Variants in PPP1R9A observed in about 807,000 individuals in gnomAD.
PPP1R9A encodes the protein neurabin-1.
PPP1R9A carries 59 observed loss-of-function variants against 141.9 expected under a neutral mutation model. The ratio of observed to expected loss-of-function variants is 0.42; its 90% CI spans 0.34 to 0.52. The LOEUF (loss-of-function observed/expected upper bound fraction) is 0.52. Among genes scored for constraint, PPP1R9A ranks in the 20% least tolerant of loss-of-function variants. PPP1R9A has a pLI of 0.10. For missense variants in PPP1R9A, 1,444 were observed against 1,611.9 expected, an observed-to-expected ratio of 0.90 and a Z score of 1.78; for synonymous variants, 500 against 569.7, an observed-to-expected ratio of 0.88 and a Z score of 1.74.
chr7:94,987,725 A>C (rs1252244365), intron 2 of PPP1R9A, among the ~76,000 whole-genome samples: 2 of 152,154 alleles, frequency 1.3e-5, no homozygotes, highest in African/African-American at 4.8e-5. Flanking sequence ...ATTATGTATG[A>C]GCCATTTTTT....
chr7:95,196,319 G>A (rs1204659286), intron 5 of PPP1R9A, among the ~76,000 whole-genome samples: 2 of 152,084 alleles, frequency 1.3e-5, no homozygotes, highest in Admixed American at 6.6e-5. Context: ...TTTAAAGACA[G>A]TACTAAGTGT....
chr7:94,910,877 C>T lies in PPP1R9A; in HGVS notation c.764C>T (p.Ser255Phe), dbSNP rs1012542878. 4 of 1,613,980 alleles carry T rather than the reference C, an allele frequency of 2.5e-6. No individual in the cohort carries two copies. Among genetic ancestry groups the T allele is most frequent in the Non-Finnish European group, 3.4e-6 (4 of 1,180,020 alleles). The change falls in exon 2 of 20, where the codon TCT becomes TTT. Residue 255 changes from serine to phenylalanine, a missense_variant. Coordinates refer to ENST00000433360, the MANE Select transcript of PPP1R9A (RefSeq NM_001166160.2). The surrounding 1 kb of genome is among the most constrained non-coding windows in gnomAD (Gnocchi z 4.5). Reference protein sequence around the residue: ...NLDTFGHLKDSNSWPPSNKRG... With the variant: ...NLDTFGHLKDFNSWPPSNKRG... The stretch of plus-strand genomic sequence containing the variant: ...GACACATTTGGTCACCTGAAGGATT[C>T]TAATTCCTGGCCTCCTTCAAACAAG...
At chr7:95,096,283 C>A (rs982800858) in intron 2 of PPP1R9A, among the ~76,000 whole-genome samples, 7 of 152,156 alleles carry the variant, frequency 4.6e-5, no homozygotes, top group African/African-American at 1.4e-4. Context: ...TCCTCTTGTG[C>A]CTGACTGACT....
intron 5 of PPP1R9A, among the ~76,000 whole-genome samples, chr7:95,184,833 T>C (rs562537925): frequency 1.3e-5 from 2 of 152,308 alleles, no homozygotes; most frequent in East Asian, 3.9e-4. Flanking sequence ...TTCCATGCTG[T>C]ATATATATGT....
chr7:95,268,471 A>G, intron 12 of PPP1R9A, 79 bp from the exon 13 acceptor site: 1 of 1,513,248 alleles, frequency 6.6e-7, no homozygotes, highest in Non-Finnish European at 9.0e-7. Context: ...GGTTACCTTG[A>G]GATTTTATCA....
At chr7:95,263,800 T>C (rs1800825479) in intron 12 of PPP1R9A, among the ~76,000 whole-genome samples, 1 of 152,222 alleles carries the variant, frequency 6.6e-6, no homozygotes, top group African/African-American at 2.4e-5. Flanking sequence ...ATATTTTAAA[T>C]GAGTGTACAT....
chr7:95,160,961 G>C (rs1830392421), intron 4 of PPP1R9A, among the ~76,000 whole-genome samples: 1 of 152,166 alleles, frequency 6.6e-6, no homozygotes, highest in Admixed American at 6.5e-5. Flanking sequence ...TGTCTTTGCT[G>C]TTGTGAACAG....
chr7:94,996,554 C>G (rs1802194553), intron 2 of PPP1R9A, among the ~76,000 whole-genome samples: 1 of 152,126 alleles, frequency 6.6e-6, no homozygotes, highest in South Asian at 2.1e-4. Context: ...ACTTGAGCAT[C>G]TGTGAGTTAT....
chr7:94,925,329 C>T (rs1793339109), intron 2 of PPP1R9A, among the ~76,000 whole-genome samples: 1 of 152,184 alleles, frequency 6.6e-6, no homozygotes, highest in Admixed American at 6.5e-5. Flanking sequence ...AACACCCCCA[C>T]AGAAACATCT....
intron 3 of PPP1R9A, among the ~76,000 whole-genome samples, chr7:95,118,080 C>A (rs964902083): frequency 2.0e-5 from 3 of 152,126 alleles, no homozygotes; most frequent in African/African-American, 7.2e-5. Flanking sequence ...ATTCAGCTAT[C>A]CGCTAACCTT....
intron 2 of PPP1R9A, among the ~76,000 whole-genome samples, chr7:95,105,391 C>G (rs1819368340): frequency 1.3e-5 from 2 of 152,138 alleles, no homozygotes; most frequent in African/African-American, 2.4e-5. Flanking sequence ...ACTTGTTACC[C>G]CTGAAAGCCT....
intron 5 of PPP1R9A, among the ~76,000 whole-genome samples, chr7:95,172,588 C>T (rs558084306): frequency 5.3e-4 from 80 of 151,716 alleles, no homozygotes; most frequent in Non-Finnish European, 1.0e-3. Flanking sequence ...ATATTGCAGA[C>T]TTCCACACTT....
chr7:95,049,712 T>C (rs1174371030), intron 2 of PPP1R9A, among the ~76,000 whole-genome samples: 1 of 152,212 alleles, frequency 6.6e-6, no homozygotes, highest in Non-Finnish European at 1.5e-5. Context: ...CAATTGCTAA[T>C]GTTTTTACTG....
Position 95,161,868 on chromosome 7 carries a change from A to G in PPP1R9A, c.1651A>G (p.Ile551Val). 2 of 1,603,374 alleles carry G rather than the reference A, an allele frequency of 1.2e-6. No homozygotes were observed. The highest frequency in any genetic ancestry group is 1.7e-6 in the Non-Finnish European group (2 of 1,174,050). Residue 551 changes from isoleucine (I) to valine (V), a missense_variant and splice_region_variant, in exon 5 of 20, where the codon ATA (isoleucine) becomes GTA (valine). Ile to Val is a conservative substitution (Grantham distance 29). Around this residue, in one of 5 missense-constraint regions of PPP1R9A, gnomAD observed 488 missense variants for 542.0 expected, o/e 0.90. Coordinates refer to ENST00000433360, the MANE Select transcript of PPP1R9A (RefSeq NM_001166160.2). The part of the protein sequence containing the change: ...EGGAAQRDGR[I>V]QVNDQIVEVD... ...GGTAATTTTTTCCTCTTTCTAAAGA[A>G]TACAAGTCAATGACCAGATTGTGGA...
At chr7:95,231,464 A>G (rs1373107188) in intron 8 of PPP1R9A, among the ~76,000 whole-genome samples, 2 of 152,158 alleles carry the variant, frequency 1.3e-5, no homozygotes, top group Admixed American at 6.6e-5. Flanking sequence ...TCATCGGCAC[A>G]TGGAACTTCT....
At chr7:95,050,077 C>T (rs1489345118) in intron 2 of PPP1R9A, among the ~76,000 whole-genome samples, 1 of 152,126 alleles carries the variant, frequency 6.6e-6, no homozygotes, top group Non-Finnish European at 1.5e-5. Context: ...ACAAAATTGC[C>T]AAACTGTCTT....
At chr7:95,218,667 A>C (rs549835587) in intron 7 of PPP1R9A, among the ~76,000 whole-genome samples, 4 of 152,148 alleles carry the variant, frequency 2.6e-5, no homozygotes, top group Non-Finnish European at 5.9e-5. Context: ...TTGGGTGCAT[A>C]TATATTTAGG....
intron 3 of PPP1R9A, among the ~76,000 whole-genome samples, chr7:95,113,911 A>G (rs1016198860): frequency 6.6e-6 from 1 of 152,262 alleles, no homozygotes; most frequent in East Asian, 1.9e-4. Flanking sequence ...GAAGAATACT[A>G]GTCATATTAC....
At chr7:95,141,685 T>C (rs10953138) in intron 4 of PPP1R9A, among the ~76,000 whole-genome samples, 18,412 of 152,018 alleles carry the variant, frequency 0.12, 1,243 homozygotes, top group East Asian at 0.18. Flanking sequence ...ATTCATGTTG[T>C]AGCATTTATC....
Sources: gnomAD v4.1 joint callset for allele counts (sites outside exome capture counted in the v4.1 genomes callset) on GRCh38, gnomAD v4.1.1 for gene constraint, gnomAD v4.1.1 regional missense constraint, Gnocchi (gnomAD v3.1) non-coding constraint, MANE v1.5 for transcripts, NCBI Gene and HGNC (gene_info 2026-07-23, HGNC 2026-07-21) for gene names.